Variants in IL1RL1 observed in about 807,000 individuals in gnomAD.
IL1RL1 encodes the protein interleukin-1 receptor-like 1.
A neutral mutation model predicts 50.9 loss-of-function variants in IL1RL1; 32 were observed. The ratio of observed to expected loss-of-function variants is 0.63; its 90% confidence interval spans 0.47 to 0.84. The LOEUF (loss-of-function observed/expected upper bound fraction) is 0.84, where lower values mean the gene tolerates loss of function less well. Among genes scored for constraint, IL1RL1 ranks in the 40% least tolerant of loss-of-function variants. IL1RL1 has a pLI of 0.00. For synonymous variants in IL1RL1, 275 were observed against 236.0 expected, an observed-to-expected ratio of 1.17 and a Z score of -1.51; for missense variants, 773 against 662.9, an observed-to-expected ratio of 1.17 and a Z score of -1.82.
chr2:102,335,575 G>T (rs1252611826), intron 1 of IL1RL1, among the ~76,000 whole-genome samples: 1 of 152,118 alleles, frequency 6.6e-6, no homozygotes, highest in Non-Finnish European at 1.5e-5. Context: ...ATTGTCAAAT[G>T]AACAACTGAA....
At chr2:102,343,212 C>T in intron 7 of IL1RL1, 35 bp downstream of exon 7, 1 of 1,613,836 alleles carries the variant, frequency 6.2e-7, no homozygotes, top group South Asian at 1.1e-5. Context: ...TCCTCTTCCC[C>T]TTGCACATGG....
intron 1 of IL1RL1, among the ~76,000 whole-genome samples, chr2:102,336,432 A>G (rs1677329070): frequency 6.6e-6 from 1 of 152,182 alleles, no homozygotes; most frequent in Admixed American, 6.5e-5. Context: ...AGCTATTATC[A>G]TTATATTATT....
intron 8 of IL1RL1, chr2:102,343,655 T>C: frequency 7.1e-7 from 1 of 1,407,232 alleles, no homozygotes; most frequent in Non-Finnish European, 9.2e-7. Context: ...TTGGTTTGTC[T>C]AGAACACTCA....
chr2:102,318,919 A>G (rs1009755818), intron 1 of IL1RL1, among the ~76,000 whole-genome samples: 3 of 152,218 alleles, frequency 2.0e-5, no homozygotes, highest in African/African-American at 7.2e-5. Flanking sequence ...TTGAAATTTA[A>G]AGAAACAAGT....
intron 1 of IL1RL1, among the ~76,000 whole-genome samples, chr2:102,318,123 A>C (rs1676730570): frequency 6.6e-6 from 1 of 152,154 alleles, no homozygotes; most frequent in Non-Finnish European, 1.5e-5. Flanking sequence ...AGAGGTTTGA[A>C]GAGAGGAGTA....
intron 1 of IL1RL1, among the ~76,000 whole-genome samples, chr2:102,336,517 A>T (rs1375703871): frequency 6.6e-6 from 1 of 152,174 alleles, no homozygotes; most frequent in Non-Finnish European, 1.5e-5. Context: ...TTTACTCATG[A>T]TAGGGTCATC....
chr2:102,338,657 G>A (rs926502017), intron 2 of IL1RL1, among the ~76,000 whole-genome samples, 180 bp from the exon 3 acceptor site: 1 of 152,168 alleles, frequency 6.6e-6, no homozygotes, highest in Non-Finnish European at 1.5e-5. Flanking sequence ...GGGGGATTTA[G>A]CTCCAAATTA....
chr2:102,332,448 C>T (rs1327513641), intron 1 of IL1RL1, among the ~76,000 whole-genome samples: 1 of 152,134 alleles, frequency 6.6e-6, no homozygotes, highest in African/African-American at 2.4e-5. Flanking sequence ...GTGGTAGGCA[C>T]ACACAGTGGA....
intron 10 of IL1RL1, among the ~76,000 whole-genome samples, chr2:102,349,603 A>T (rs976816699): frequency 6.6e-6 from 1 of 152,174 alleles, no homozygotes; most frequent in African/African-American, 2.4e-5. Context: ...TTAAAAATTG[A>T]TGAGTTTTGT....
chr2:102,331,528 A>T lies in IL1RL1; in HGVS notation c.-149-6588A>T, dbSNP rs1677178317. On this transcript the variant is annotated intron_variant, in intron 1 of 10. Transcript: ENST00000233954. Reference sequence around the variant, plus strand: ...CCATTTCTTTTTCCTGAGTGTCTGCAGTCCACAGAGCTTCTTCTGGCTCTC... The same window carrying T: ...CCATTTCTTTTTCCTGAGTGTCTGCTGTCCACAGAGCTTCTTCTGGCTCTC... 2.0e-5 allele frequency among the ~76,000 whole-genome samples: 3 copies of T among 152,208 alleles called. No individual in the cohort carries two copies. The South Asian group carries it at 6.2e-4, about 31-fold the overall frequency.
At chr2:102,342,714 T>G (rs1246290574) in intron 6 of IL1RL1, among the ~76,000 whole-genome samples, 2 of 152,162 alleles carry the variant, frequency 1.3e-5, no homozygotes, top group African/African-American at 4.8e-5. Context: ...AAACTCTAAT[T>G]TCTAGTAGAG....
chr2:102,321,665 G>A (rs1211720817), intron 1 of IL1RL1, among the ~76,000 whole-genome samples: 1 of 152,110 alleles, frequency 6.6e-6, no homozygotes, highest in East Asian at 1.9e-4. Context: ...CAGTGGTGGT[G>A]GATGACCCAA....
intron 6 of IL1RL1, among the ~76,000 whole-genome samples, chr2:102,342,497 G>T (rs1183975512): frequency 6.6e-6 from 1 of 152,062 alleles, no homozygotes; most frequent in Non-Finnish European, 1.5e-5. Context: ...GTTTACATTT[G>T]TTTATTGTAC....
chr2:102,338,615 T>C (rs888411718), intron 2 of IL1RL1, among the ~76,000 whole-genome samples: 1 of 152,202 alleles, frequency 6.6e-6, no homozygotes, highest in Non-Finnish European at 1.5e-5. Context: ...TTTGTTTAGA[T>C]AGATAAGGCT....
At position 102,347,929 on chromosome 2, in the gene IL1RL1, T is replaced by C. The variant is rs1235082287; in HGVS notation, c.971-16T>C. The C allele has an allele frequency of 7.1e-7, 1 of 1,417,342 alleles. No homozygotes were observed. Among genetic ancestry groups the C allele is most frequent in the Non-Finnish European group, 9.9e-7 (1 of 1,006,246 alleles). The allele number at this position is 1,417,342 out of a possible 1,614,324, so 87.8% of individuals were successfully genotyped here. On this transcript the variant is annotated splice_polypyrimidine_tract_variant and intron_variant, in intron 8 of 10. Transcript: ENST00000233954. ...GTTTCAGTAGTAATAATAATCTTTT[T>C]CTTTCTTTTGAATAGTTGATCATCA...
intron 10 of IL1RL1, among the ~76,000 whole-genome samples, chr2:102,350,241 A>G (rs933888587): frequency 4.6e-5 from 7 of 152,230 alleles, no homozygotes; most frequent in Non-Finnish European, 1.0e-4. Flanking sequence ...TGTACTCAAG[A>G]ACCTGCAGGG....
At chr2:102,316,657 T>C (rs1216525500) in intron 1 of IL1RL1, among the ~76,000 whole-genome samples, 1 of 152,174 alleles carries the variant, frequency 6.6e-6, no homozygotes, top group Admixed American at 6.5e-5. Flanking sequence ...TGGAGATTTA[T>C]CTAAAATTAT....
At position 102,314,649 on chromosome 2, in the gene IL1RL1, C is replaced by T. The variant is rs1014905010; in HGVS notation, c.-150+3026C>T. On this transcript the variant is annotated intron_variant, in intron 1 of 10. Coordinates refer to ENST00000233954, the MANE Select transcript of IL1RL1 (RefSeq NM_016232.5). Reference sequence around the variant, plus strand: ...GCCCATTCTATGATTGGAACAAAGGCTTCCCTGTCATAGGTGAGTGACAAC... The same window carrying T: ...GCCCATTCTATGATTGGAACAAAGGTTTCCCTGTCATAGGTGAGTGACAAC... 4.6e-5 allele frequency among the ~76,000 whole-genome samples: 7 copies of T among 152,210 alleles called. No homozygotes were observed. The East Asian group carries it at 1.3e-3, about 29-fold the overall frequency.
At chr2:102,343,219 A>G (rs370167757) in intron 7 of IL1RL1, 42 bp downstream of exon 7, 9 of 1,613,936 alleles carry the variant, frequency 5.6e-6, no homozygotes, top group Non-Finnish European at 7.6e-6. Flanking sequence ...CCCCTTGCAC[A>G]TGGTTTGCAC....
Sources: gnomAD v4.1 joint callset for allele counts (sites outside exome capture counted in the v4.1 genomes callset) on GRCh38, gnomAD v4.1.1 for gene constraint, MANE v1.5 for transcripts, NCBI Gene and HGNC (gene_info 2026-07-23, HGNC 2026-07-21) for gene names.